The following CEP63 variants were observed in gnomAD, a reference collection of about 807,000 sequenced individuals.
CEP63 encodes the protein centrosomal protein of 63 kDa.
A neutral mutation model predicts 89.1 loss-of-function variants in CEP63; 84 were observed. The ratio of observed to expected loss-of-function variants is 0.94; its 90% confidence interval spans 0.79 to 1.13. The LOEUF (loss-of-function observed/expected upper bound fraction) is 1.13, where lower values mean the gene tolerates loss of function less well. Ranked by LOEUF, CEP63 falls within the 50% of genes most tolerant of loss-of-function variation. The pLI, the probability that CEP63 is intolerant of heterozygous loss-of-function variation, is 0.00. For missense variants in CEP63, 838 were observed against 813.3 expected (o/e 1.03, Z -0.37); for synonymous variants, 267 against 272.5 (o/e 0.98, Z 0.20).
the CEP63 span, among the ~76,000 whole-genome samples, chr3:134,654,464 G>T: frequency 6.6e-6 from 1 of 152,128 alleles, no homozygotes; most frequent in Non-Finnish European, 1.5e-5. Context: ...TTGATGACGT[G>T]GGGAAGAGGC....
At chr3:134,682,138 G>C in the CEP63 span, among the ~76,000 whole-genome samples, 2 of 152,146 alleles carry the variant, frequency 1.3e-5, no homozygotes, top group African/African-American at 4.8e-5. Context: ...TGGGGCTCTG[G>C]TCTAATGTAT....
At chr3:134,493,877 C>T (rs899643158) in intron 1 of CEP63, among the ~76,000 whole-genome samples, 3 of 151,916 alleles carry the variant, frequency 2.0e-5, no homozygotes, top group Non-Finnish European at 4.4e-5. Flanking sequence ...GAGGATTAGC[C>T]CAGGGGCAGA....
chr3:134,603,271 G>A, the CEP63 span: 139,356 of 225,278 alleles, frequency 0.62, 43,968 homozygotes, highest in East Asian at 0.82. Context: ...AACAACAACA[G>A]CAGCAGCACT....
exon 12 of CEP63, chr3:134,574,922 C>T (rs1163101352): frequency 2.0e-6 from 1 of 492,182 alleles, no homozygotes; most frequent in African/African-American, 2.0e-5. Context: ...AGAATTTTAA[C>T]AATTTGTCAA....
At chr3:134,654,795 T>TA in the CEP63 span, among the ~76,000 whole-genome samples, 42 of 152,246 alleles carry the variant, frequency 2.8e-4, no homozygotes, top group Middle Eastern at 3.4e-3. Context: ...AGGGCGGGTA[T>TA]AGAAGGAACT....
chr3:134,581,712 G>T (rs1577515748), intron 10 of CEP63, among the ~76,000 whole-genome samples: 1 of 101,100 alleles, frequency 9.9e-6, no homozygotes, highest in Non-Finnish European at 1.9e-5. Flanking sequence ...GTCTCGCTCT[G>T]TTGCCCAGGC....
the CEP63 span, among the ~76,000 whole-genome samples, chr3:134,766,877 C>T: frequency 6.6e-6 from 1 of 152,196 alleles, no homozygotes; most frequent in African/African-American, 2.4e-5. Flanking sequence ...CATTTCACTC[C>T]AAGAGCTCTG....
chr3:134,570,030 G>T (rs1050043161), downstream of CEP63, among the ~76,000 whole-genome samples: 1 of 152,202 alleles, frequency 6.6e-6, no homozygotes, highest in African/African-American at 2.4e-5. Context: ...AGCTGGAGTG[G>T]CTGGGACACA....
At chr3:134,539,424 T>A (rs558368724) in intron 6 of CEP63, among the ~76,000 whole-genome samples, 1 of 152,206 alleles carries the variant, frequency 6.6e-6, no homozygotes, top group Non-Finnish European at 1.5e-5. Context: ...ATCATAGATA[T>A]CATCTTATTT....
chr3:134,726,691 G>T, the CEP63 span, among the ~76,000 whole-genome samples: 1 of 151,966 alleles, frequency 6.6e-6, no homozygotes, highest in African/African-American at 2.4e-5. Context: ...TTGGGATCCC[G>T]GCCATGGCTG....
the CEP63 span, among the ~76,000 whole-genome samples, chr3:134,687,871 T>C: frequency 6.6e-6 from 1 of 152,186 alleles, no homozygotes; most frequent in Non-Finnish European, 1.5e-5. Context: ...AGGATTCAAA[T>C]TCACAACCCA....
chr3:134,502,048 A>C (rs940989254), intron 2 of CEP63, among the ~76,000 whole-genome samples: 1 of 152,138 alleles, frequency 6.6e-6, no homozygotes, highest in Non-Finnish European at 1.5e-5. Context: ...AGGGATATTA[A>C]GTTTTATTGA....
downstream of CEP63, among the ~76,000 whole-genome samples, chr3:134,576,670 A>T (rs1958220469): frequency 6.6e-6 from 1 of 152,218 alleles, no homozygotes; most frequent in South Asian, 2.1e-4. Flanking sequence ...GCCAGGTGAG[A>T]TGCTGAAAAG....
At chr3:134,725,082 CA>C in the CEP63 span, among the ~76,000 whole-genome samples, 77,497 of 151,810 alleles carry the variant, frequency 0.51, 22,899 homozygotes, top group East Asian at 0.78. Context: ...AGTATGCAAC[CA>C]AAACCTGTAA....
rs1431004366 is a variant in CEP63 at position 134,559,342 on chromosome 3, T to C, written c.1866T>C (p.Ser622=). 1 of 1,614,054 alleles carries C rather than the reference T, an allele frequency of 6.2e-7. No individual in the cohort carries two copies. Among genetic ancestry groups the C allele is most frequent in the African/African-American group, 1.3e-5 (1 of 74,936 alleles). The change falls in exon 14 of 15, where the codon TCT becomes TCC. Residue 622 remains serine, a synonymous_variant. Transcript: ENST00000675561. The part of the protein sequence containing the change: ...LTSYSLCKTH[S]LPSALDTNEA... ...CCTACTCTCTATGTAAAACTCATTC[T>C]TTGCCTTCAGCGCTAGATACAAATG...
the CEP63 span, among the ~76,000 whole-genome samples, chr3:134,693,121 G>A: frequency 9.9e-5 from 15 of 152,268 alleles, no homozygotes; most frequent in African/African-American, 2.4e-4. Context: ...GTTTCCAAGC[G>A]TCCCTTGTAG....
At chr3:134,550,344 A>T in intron 11 of CEP63, 84 bp downstream of exon 11, 2 of 1,304,138 alleles carry the variant, frequency 1.5e-6, no homozygotes, top group South Asian at 2.5e-5. Context: ...CATAATATTT[A>T]ATTCAGTGAA....
chr3:134,735,167 T>C, the CEP63 span, among the ~76,000 whole-genome samples: 3 of 152,188 alleles, frequency 2.0e-5, no homozygotes, highest in Non-Finnish European at 2.9e-5. Flanking sequence ...TGTCGTCACA[T>C]GAATCCACAA....
At chr3:134,613,548 C>T in the CEP63 span, among the ~76,000 whole-genome samples, 1 of 152,168 alleles carries the variant, frequency 6.6e-6, no homozygotes, top group East Asian at 1.9e-4. Flanking sequence ...CCAGGCTTAT[C>T]ATGGGCAGAG....
Sources: gnomAD v4.1 joint callset for allele counts (sites outside exome capture counted in the v4.1 genomes callset) on GRCh38, gnomAD v4.1.1 for gene constraint, MANE v1.5 for transcripts, NCBI Gene and HGNC (gene_info 2026-07-23, HGNC 2026-07-21) for gene names.